Variants in ADAMTS18 observed in about 807,000 individuals in gnomAD.
ADAMTS18 encodes the protein A disintegrin and metalloproteinase with thrombospondin motifs 18.
Under a neutral mutation model 165.9 loss-of-function variants are expected in ADAMTS18, and 157 were observed. The ratio of observed to expected loss-of-function variants is 0.95; its 90% CI spans 0.83 to 1.08. The LOEUF (loss-of-function observed/expected upper bound fraction) is 1.08, where lower values mean the gene tolerates loss of function less well. Among genes scored for constraint, ADAMTS18 ranks in the 50% least tolerant of loss-of-function variants. The pLI is 0.00. For missense variants in ADAMTS18, 2,040 were observed against 1,534.0 expected (o/e 1.33, Z -5.51); for synonymous variants, 782 against 578.2 (o/e 1.35, Z -5.06).
intron 9 of ADAMTS18, 120 bp from the exon 10 acceptor site, chr16:77,354,006 A>G (rs187610982): frequency 1.3e-4 from 161 of 1,246,440 alleles, no homozygotes; most frequent in Non-Finnish European, 5.6e-5. Flanking sequence ...AGAAACAGGT[A>G]TATGTTTAAA....
chr16:77,377,411 T>C (rs925152179), intron 3 of ADAMTS18, among the ~76,000 whole-genome samples: 1 of 152,226 alleles, frequency 6.6e-6, no homozygotes, highest in Non-Finnish European at 1.5e-5. Context: ...TTAAGTGATT[T>C]GTATCCCACT....
chr16:77,311,202 T>C (rs781575342), intron 16 of ADAMTS18, among the ~76,000 whole-genome samples: 4 of 152,210 alleles, frequency 2.6e-5, no homozygotes, highest in Non-Finnish European at 4.4e-5. Flanking sequence ...TTAGTGAATA[T>C]ACAATAATTT....
chr16:77,324,562 G>T (rs552284219), intron 13 of ADAMTS18, among the ~76,000 whole-genome samples: 2 of 152,266 alleles, frequency 1.3e-5, no homozygotes, highest in East Asian at 1.9e-4. Context: ...TTGTGGGGAG[G>T]AAGATAACAG....
At chr16:77,364,080 A>G in intron 5 of ADAMTS18, 108 bp downstream of exon 5, 1 of 1,434,536 alleles carries the variant, frequency 7.0e-7, no homozygotes, top group South Asian at 1.2e-5. Context: ...CAGAAACTGC[A>G]ATTACATTTG....
chr16:77,434,712 G>A lies in ADAMTS18; in HGVS notation c.-17C>T. The A allele has an allele frequency of 1.4e-6, 2 of 1,430,502 alleles. No homozygotes were observed. The highest frequency in any genetic ancestry group is 6.3e-5 in the East Asian group (2 of 31,930). The allele number at this position is 1,430,502 out of a possible 1,614,324, so 88.6% of individuals were successfully genotyped here. On this transcript the variant is annotated 5_prime_UTR_variant, in exon 1 of 23. Coordinates refer to ENST00000282849, the MANE Select transcript of ADAMTS18 (RefSeq NM_199355.4). ...GCACTCCATGGTCAGGTGCGGACGC[G>A]GCGGCTGCGGGTGGCCAGACGCGGC...
At chr16:77,311,405 T>G (rs567349704) in intron 16 of ADAMTS18, among the ~76,000 whole-genome samples, 1 of 152,354 alleles carries the variant, frequency 6.6e-6, no homozygotes, top group South Asian at 2.1e-4. Flanking sequence ...TTCATAGCTG[T>G]TGTATGGAAA....
At chr16:77,408,854 C>G (rs1018416157) in intron 3 of ADAMTS18, among the ~76,000 whole-genome samples, 5 of 152,262 alleles carry the variant, frequency 3.3e-5, no homozygotes, top group Admixed American at 2.6e-4. Context: ...ACATTTCACT[C>G]TCCATGGTTT....
intron 3 of ADAMTS18, among the ~76,000 whole-genome samples, chr16:77,408,539 A>T (rs1225973300): frequency 6.6e-6 from 1 of 152,214 alleles, no homozygotes; most frequent in Admixed American, 6.6e-5. Context: ...ACAGCTACAT[A>T]TAACAATATG....
intron 3 of ADAMTS18, among the ~76,000 whole-genome samples, chr16:77,387,291 A>C (rs568143934): frequency 1.3e-4 from 20 of 152,272 alleles, no homozygotes; most frequent in African/African-American, 3.6e-4. Context: ...ACTCTGGCTC[A>C]TTTCCATCTC....
In ADAMTS18 at chr16:77,289,525, A is replaced by G. The variant is rs951321363; in HGVS notation, c.3403-114T>C. ...AACAAGATGCCTGCTGATGAAACAGATTGGCTGGAGCCAGGCACATGTGCT... is the reference window on the plus strand; with the variant it reads ...AACAAGATGCCTGCTGATGAAACAGGTTGGCTGGAGCCAGGCACATGTGCT... On this transcript the variant is annotated intron_variant, in intron 21 of 22. Transcript: ENST00000282849. 3 of 1,283,054 alleles carry G rather than the reference A, an allele frequency of 2.3e-6. No individual in the cohort carries two copies. The African/African-American group carries it at 4.4e-5, about 19-fold the overall frequency. 79.5% of individuals were successfully genotyped at this position (1,283,054 alleles called of 1,614,324 possible). A position where few individuals can be genotyped will look rare whatever the true frequency, so the allele number is the denominator to read the frequency against.
chr16:77,320,130 C>G, intron 15 of ADAMTS18, 37 bp from the exon 16 acceptor site: 1 of 1,613,340 alleles, frequency 6.2e-7, no homozygotes, highest in Non-Finnish European at 8.5e-7. Context: ...GAATTCCACC[C>G]CATGCATTGG....
rs1397126584 is a variant in ADAMTS18 at position 77,334,754 on chromosome 16, T to C, written c.1859+1002A>G. Among the ~76,000 whole-genome samples the C allele has an allele frequency of 6.5e-5, 7 of 108,442 alleles. 1 individual carries two copies. The highest frequency in any genetic ancestry group is 8.8e-5 in the Non-Finnish European group (5 of 56,716). The allele number at this position is 108,442 out of a possible 152,430, so 71.1% of individuals were successfully genotyped here. A position where few individuals can be genotyped will look rare whatever the true frequency, so the allele number is the denominator to read the frequency against. Reference sequence around the variant, plus strand: ...ATACTATAGTATATATACTGTATACTATAGTATACAGTATATATACTATAG... The same window carrying C: ...ATACTATAGTATATATACTGTATACCATAGTATACAGTATATATACTATAG... On this transcript the variant is annotated intron_variant, in intron 12 of 22. Coordinates refer to ENST00000282849, the MANE Select transcript of ADAMTS18 (RefSeq NM_199355.4).
rs184087288 is a variant in ADAMTS18, at chr16:77,368,351, T to C, written c.496-628A>G. Reference sequence around the variant, plus strand: ...TGCATTGCATTTATGACCTGGCAGATGCCATGTTCACCACTGGATAGAGTG... The same window carrying C: ...TGCATTGCATTTATGACCTGGCAGACGCCATGTTCACCACTGGATAGAGTG... On this transcript the variant is annotated intron_variant, in intron 3 of 22. Transcript: ENST00000282849. Among the ~76,000 whole-genome samples, 6 of 152,232 alleles carry C rather than the reference T, an allele frequency of 3.9e-5. No individual in the cohort carries two copies. In the East Asian group the frequency reaches 9.6e-4, roughly 24 times the overall value.
At chr16:77,301,508 C>T (rs17619850) in intron 16 of ADAMTS18, among the ~76,000 whole-genome samples, 47,216 of 152,100 alleles carry the variant, frequency 0.31, 9,408 homozygotes, top group Non-Finnish European at 0.44. Context: ...TGGTTCTTTC[C>T]CACTCCATGA....
At chr16:77,359,194 A>G (rs2056674490) in intron 8 of ADAMTS18, 124 bp downstream of exon 8, 2 of 876,774 alleles carry the variant, frequency 2.3e-6, no homozygotes, top group African/African-American at 1.7e-5. Context: ...GTCAGAAACT[A>G]TTCTAAGCTT....
Position 77,321,077 on chromosome 16 carries a change from A to G in ADAMTS18, c.2287+2T>C. The G allele has an allele frequency of 6.2e-7, 1 of 1,614,116 alleles. No homozygotes were observed. The highest frequency in any genetic ancestry group is 1.3e-5 in the African/African-American group (1 of 75,040). On this transcript the variant is annotated splice_donor_variant, in intron 15 of 22. Transcript: ENST00000282849. LOFTEE classifies it high-confidence loss of function. ...ACAATAACAAACAGCAGCATCTCTCACCATTTGCTTTATGCTGGTTGAGGT... is the reference window on the plus strand; with the variant it reads ...ACAATAACAAACAGCAGCATCTCTCGCCATTTGCTTTATGCTGGTTGAGGT...
chr16:77,305,123 A>C (rs2055658586), intron 16 of ADAMTS18, among the ~76,000 whole-genome samples: 1 of 152,086 alleles, frequency 6.6e-6, no homozygotes, highest in South Asian at 2.1e-4. Flanking sequence ...AAGTACCAAG[A>C]CAAATATATA....
intron 21 of ADAMTS18, chr16:77,290,933 CAG>C: frequency 2.5e-6 from 1 of 393,364 alleles, no homozygotes. Context: ...ATTTCTAAAA[CAG>C]AAAGACTCGA....
chr16:77,335,169 C>A (rs1178311564), intron 12 of ADAMTS18, among the ~76,000 whole-genome samples: 3 of 149,988 alleles, frequency 2.0e-5, no homozygotes, highest in African/African-American at 7.3e-5. Context: ...AAATGAAATC[C>A]TGTTATTTGC....
Sources: allele counts gnomAD v4.1 joint callset (sites outside exome capture counted in the v4.1 genomes callset), GRCh38; gene constraint gnomAD v4.1.1; transcripts MANE v1.5; gene names NCBI Gene and HGNC (gene_info 2026-07-23, HGNC 2026-07-21).